Variants in MUC4 observed in about 807,000 individuals in gnomAD.
MUC4 encodes mucin-4.
In MUC4, 202 loss-of-function variants were observed where a neutral mutation model predicts 257.9. The observed-to-expected ratio is 0.78, with a 90% CI of 0.70 to 0.88. MUC4 has a LOEUF of 0.88. Among genes scored for constraint, MUC4 ranks in the 40% least tolerant of loss-of-function variants. The probability of loss-of-function intolerance (pLI) is 0.00; values close to 1 mark genes in which losing one functional copy is unlikely to be tolerated. For synonymous variants in MUC4, 2,351 were observed against 2,757.1 expected, an observed-to-expected ratio of 0.85 and a Z score of 4.62; for missense variants, 5,976 against 6,513.7, an observed-to-expected ratio of 0.92 and a Z score of 2.84.
chr3:195,798,547 CA>C (rs1409364524), intron 1 of MUC4, among the ~76,000 whole-genome samples: 4 of 151,692 alleles, frequency 2.6e-5, no homozygotes, highest in Non-Finnish European at 4.4e-5. Context: ...ACTAAAAATA[CA>C]AAAAAATTAG....
At position 195,769,105 on chromosome 3, in the gene MUC4, A is replaced by G. The variant is rs1722244384; in HGVS notation, c.13446T>C (p.Tyr4482=). 6.2e-7 allele frequency: 1 copy of G among 1,614,150 alleles called. No homozygotes were observed. The highest frequency in any genetic ancestry group is 8.5e-7 in the Non-Finnish European group (1 of 1,180,012). ...CACCGCTCTGGTAGAGAAACAGGGCATAGGACCTGCTCCCGTCCGTGGAGA... is the reference window on the plus strand; with the variant it reads ...CACCGCTCTGGTAGAGAAACAGGGCGTAGGACCTGCTCCCGTCCGTGGAGA... ...AILSTDGSRS[Y]ALFLYQSGGM... The change falls in exon 7 of 25, where the codon TAT becomes TAC. Residue 4482 remains tyrosine, a synonymous_variant. Transcript: ENST00000463781.
chr3:195,802,727 C>T (rs753418053), intron 1 of MUC4, among the ~76,000 whole-genome samples: 3 of 152,184 alleles, frequency 2.0e-5, no homozygotes, highest in Admixed American at 1.3e-4. Flanking sequence ...ACTTCCAGCG[C>T]GTCTGTGTGC....
At chr3:195,754,780 ATG>A (rs556307760) in intron 18 of MUC4, among the ~76,000 whole-genome samples, 59 of 151,270 alleles carry the variant, frequency 3.9e-4, no homozygotes, top group African/African-American at 7.3e-4. Context: ...CCATGTATGT[ATG>A]TGTGTATCCA....
intron 1 of MUC4, among the ~76,000 whole-genome samples, chr3:195,797,072 G>C (rs542889395): frequency 6.6e-6 from 1 of 152,108 alleles, no homozygotes; most frequent in South Asian, 2.1e-4. Context: ...GAGAAACCCC[G>C]TCTCTGGTAA....
At chr3:195,753,630 T>A (rs546037858) in intron 19 of MUC4, 38 of 265,456 alleles carry the variant, frequency 1.4e-4, no homozygotes, top group Non-Finnish European at 2.1e-4. Context: ...GTAGATTTTA[T>A]TTGGGTGCCT....
At chr3:195,748,325 A>C (rs1468698289) in intron 24 of MUC4, among the ~76,000 whole-genome samples, 1 of 152,258 alleles carries the variant, frequency 6.6e-6, no homozygotes, top group Non-Finnish European at 1.5e-5. Flanking sequence ...GCACTTTGGG[A>C]GGCCAAGGTG....
chr3:195,778,073 A>G (rs1312015138), intron 3 of MUC4, among the ~76,000 whole-genome samples: 8 of 152,324 alleles, frequency 5.3e-5, no homozygotes, highest in African/African-American at 1.9e-4. Flanking sequence ...CCGCTACCGG[A>G]CCGTCCATCT....
intron 24 of MUC4, among the ~76,000 whole-genome samples, chr3:195,748,543 G>A (rs1237172979): frequency 6.6e-6 from 1 of 152,260 alleles, no homozygotes; most frequent in Non-Finnish European, 1.5e-5. Context: ...CAGCCTGGGC[G>A]ACAAATGACA....
intron 16 of MUC4, 122 bp from the exon 17 acceptor site, chr3:195,759,383 G>A: frequency 7.6e-7 from 1 of 1,321,312 alleles, no homozygotes; most frequent in East Asian, 2.3e-5. Flanking sequence ...ACCTCTGGAA[G>A]AAGGAATTAT....
chr3:195,752,967 C>T, intron 20 of MUC4, 84 bp downstream of exon 20: 1 of 1,226,506 alleles, frequency 8.2e-7, no homozygotes, highest in Non-Finnish European at 1.1e-6. Flanking sequence ...TCCTCATCTT[C>T]CCCAAAGGTG....
In MUC4 at chr3:195,781,174, T is replaced by A; in HGVS notation, c.10406A>T (p.Asp3469Val). The change falls in exon 2 of 25, where the codon GAC becomes GTC. Residue 3469 changes from aspartate (D) to valine (V), a missense_variant. Transcript: ENST00000463781. ...GCTGGTGACAGGAAGAGGGGTGGTG[T>A]CACCTGTGGATGCTGAGGAAGTGTC... The part of the protein sequence containing the change: ...VTDTSSASTG[D>V]TTPLPVTSPS... 1 of 1,489,878 alleles carries A rather than the reference T, an allele frequency of 6.7e-7. No individual in the cohort carries two copies. Among genetic ancestry groups the A allele is most frequent in the Non-Finnish European group, 9.0e-7 (1 of 1,116,094 alleles). 92.3% of individuals were successfully genotyped at this position (1,489,878 alleles called of 1,614,324 possible).
intron 2 of MUC4, 78 bp downstream of exon 2, chr3:195,778,712 T>G: frequency 6.9e-7 from 1 of 1,442,086 alleles, no homozygotes; most frequent in Non-Finnish European, 9.4e-7. Context: ...AATGCACCAG[T>G]GTTCTCAGGT....
Position 195,779,628 on chromosome 3 carries a change from G to A in MUC4, c.11952C>T (p.Pro3984=), listed in dbSNP as rs542643120. The A allele has an allele frequency of 0.12, 29,864 of 242,812 alleles. 8,540 individuals are homozygous for A. The highest frequency in any genetic ancestry group is 0.16 in the Middle Eastern group (124 of 770). The allele number at this position is 242,812 out of a possible 1,614,324, so 15.0% of individuals were successfully genotyped here. A position where few individuals can be genotyped will look rare whatever the true frequency, so the allele number is the denominator to read the frequency against. The change falls in exon 2 of 25, where the codon CCC becomes CCT. Residue 3984 remains proline (P), a synonymous_variant. Transcript: ENST00000463781. ...RSSASTGHAT[P]LPVTDTSSVS... is the part of the protein sequence containing the mutation. ...CTGAGGAAGTGTCGGTGACAGGAAG[G>A]GGGGTGGCGTGACCTGTGGATGCTG... is the stretch of plus-strand genomic sequence containing the variant.
rs1369004998 is a variant in MUC4 at position 195,755,775 on chromosome 3, C to G, written c.15168+1372G>C. ...TTCCCATTGTGTATTTTATGCTTTT[C>G]TACCCCCTACCCCACCAACCGTCCC... On this transcript the variant is annotated intron_variant, in intron 18 of 24. Coordinates refer to ENST00000463781, the MANE Select transcript of MUC4 (RefSeq NM_018406.7). This position sits in a 1 kb window ranked among gnomAD's most constrained non-coding sequence, Gnocchi z 5.0. 6.6e-6 allele frequency among the ~76,000 whole-genome samples: 1 copy of G among 152,106 alleles called. No individual in the cohort carries two copies. Among genetic ancestry groups the G allele is most frequent in the Admixed American group, 6.5e-5 (1 of 15,274 alleles).
At chr3:195,764,945 AG>A in intron 10 of MUC4, 51 bp downstream of exon 10, 1 of 1,596,200 alleles carries the variant, frequency 6.3e-7, no homozygotes, top group Non-Finnish European at 8.6e-7. Context: ...CTTCATGCTG[AG>A]GGTCCCCTAC....
chr3:195,768,405 C>T (rs1722092365), intron 7 of MUC4, among the ~76,000 whole-genome samples: 1 of 152,200 alleles, frequency 6.6e-6, no homozygotes, highest in Non-Finnish European at 1.5e-5. Flanking sequence ...CACATTTCAA[C>T]CGCCCACAGC....
chr3:195,801,298 C>T (rs542775485), intron 1 of MUC4, among the ~76,000 whole-genome samples: 219 of 152,256 alleles, frequency 1.4e-3, no homozygotes, highest in African/African-American at 5.0e-3. Flanking sequence ...AGATTTGCGC[C>T]TAAAGAGTTG....
chr3:195,779,712 G>C lies in MUC4; in HGVS notation c.11868C>G (p.Thr3956=), dbSNP rs112574652. The change falls in exon 2 of 25, where the codon ACC becomes ACG. Residue 3956 remains threonine, a synonymous_variant. Transcript: ENST00000463781. ...STGDTTPLPV[T]DTSSVSTGHA... ...GACCTGTGGATACTGAGGAAGTGTCGGTGACAGGAAGAGGGGTGGTGTCAC... is the reference window on the plus strand; with the variant it reads ...GACCTGTGGATACTGAGGAAGTGTCCGTGACAGGAAGAGGGGTGGTGTCAC... 3.6e-6 allele frequency: 5 copies of C among 1,400,090 alleles called. 1 individual carries two copies. The highest frequency in any genetic ancestry group is 2.6e-5 in the East Asian group (1 of 37,836). 86.7% of individuals were successfully genotyped at this position (1,400,090 alleles called of 1,614,324 possible). A position where few individuals can be genotyped will look rare whatever the true frequency, so the allele number is the denominator to read the frequency against.
chr3:195,790,381 C>T lies in MUC4; in HGVS notation c.1199G>A (p.Arg400Lys). 6.2e-7 allele frequency: 1 copy of T among 1,613,728 alleles called. No individual in the cohort carries two copies. Among genetic ancestry groups the T allele is most frequent in the Non-Finnish European group, 8.5e-7 (1 of 1,179,692 alleles). ...CTCTGTGTTTCCAAGAGTAGAGTCT[C>T]TGGAGGTTGGCATTCTGAACACCTT... Reference protein sequence around the residue: ...TSKVFRMPTSRDSTLGNTEET... With the variant: ...TSKVFRMPTSKDSTLGNTEET... Residue 400 changes from arginine to lysine, a missense_variant, in exon 2 of 25, where the codon AGA (arginine) becomes AAA (lysine). Physicochemically the swap from Arg to Lys is conservative, Grantham distance 26 (BLOSUM62 2). Transcript: ENST00000463781.
Sources: allele counts gnomAD v4.1 joint callset (sites outside exome capture counted in the v4.1 genomes callset), GRCh38; gene constraint gnomAD v4.1.1; non-coding constraint Gnocchi (gnomAD v3.1); transcripts MANE v1.5; gene names NCBI Gene and HGNC (gene_info 2026-07-23, HGNC 2026-07-21).